SLC38A3: variants seen among roughly 807,000 people sequenced by gnomAD.
SLC38A3 encodes sodium-coupled neutral amino acid transporter 3.
In SLC38A3, 17 loss-of-function variants were observed where a neutral mutation model predicts 59.5. That is an observed-to-expected ratio of 0.29 (90% CI 0.20 to 0.43). The LOEUF is 0.43. SLC38A3 is among the 20% of genes least tolerant of loss of function. The pLI is 1.00. For missense variants in SLC38A3, 454 were observed against 653.9 expected (o/e 0.69, Z 3.33); for synonymous variants, 238 against 260.3 (o/e 0.91, Z 0.82).
rs747175529 is a variant in SLC38A3, at chr3:50,214,224, A to G, written c.25A>G (p.Met9Val). MEAPLQTE[M>V]VELVPNGKHS... ...CATGGAGGCGCCTTTGCAGACAGAG[A>G]TGGTGGAGCTGGTGCCCAATGGCAA... The change falls in exon 2 of 16, where the codon ATG (methionine) becomes GTG (valine). Residue 9 changes from methionine to valine, a missense_variant. Met to Val is a conservative substitution (Grantham distance 21). Coordinates refer to ENST00000614032, the MANE Select transcript of SLC38A3 (RefSeq NM_006841.6). The surrounding 1 kb of genome is among the most constrained non-coding windows in gnomAD (Gnocchi z 6.0). 3 of 1,613,702 alleles carry G rather than the reference A, an allele frequency of 1.9e-6. No individual in the cohort carries two copies. Among genetic ancestry groups the G allele is most frequent in the Non-Finnish European group, 2.5e-6 (3 of 1,179,822 alleles).
chr3:50,218,420 G>A lies in SLC38A3; in HGVS notation c.1036+50G>A. ...GCCTAGGCTAGGCTGGGGGGAAGGG[G>A]CTGGTTGTGGCCATGGTGCCCTCCA... On this transcript the variant is annotated intron_variant, in intron 12 of 15. Transcript: ENST00000614032. This position sits in a 1 kb window ranked among gnomAD's most constrained non-coding sequence, Gnocchi z 5.8. 2.6e-6 allele frequency: 4 copies of A among 1,534,052 alleles called. No homozygotes were observed. Among genetic ancestry groups the A allele is most frequent in the South Asian group, 1.1e-5 (1 of 89,492 alleles).
chr3:50,217,527 G>C lies in SLC38A3; in HGVS notation c.690+54G>C. 1 of 1,594,076 alleles carries C rather than the reference G, an allele frequency of 6.3e-7. No individual in the cohort carries two copies. On this transcript the variant is annotated intron_variant, in intron 9 of 15. Coordinates refer to ENST00000614032, the MANE Select transcript of SLC38A3 (RefSeq NM_006841.6). This position sits in a 1 kb window ranked among gnomAD's most constrained non-coding sequence, Gnocchi z 4.9. ...AGCGGGCAGCGGGTCTCCTGGGGGA[G>C]TTCCCTGTCATCAGGAGGGGGCAGG...
intron 14 of SLC38A3, 107 bp from the exon 15 acceptor site, chr3:50,219,774 T>C (rs1413571882): frequency 1.1e-6 from 1 of 913,546 alleles, no homozygotes; most frequent in East Asian, 2.6e-5. Flanking sequence ...GGTCTCAACA[T>C]GAAACTCCCT....
Position 50,215,357 on chromosome 3 carries a change from T to C in SLC38A3, c.300-29T>C. The C allele has an allele frequency of 6.2e-7, 1 of 1,611,288 alleles. No individual in the cohort carries two copies. The highest frequency in any genetic ancestry group is 2.2e-5 in the East Asian group (1 of 44,866). On this transcript the variant is annotated intron_variant, in intron 4 of 15. Transcript: ENST00000614032. This position sits in a 1 kb window ranked among gnomAD's most constrained non-coding sequence, Gnocchi z 7.1. ...CCACGGTAGCCCCCCAGTGGCCTCT[T>C]TTTCTTCCATCTTCCCATGTGTCCC... is the stretch of plus-strand genomic sequence containing the variant.
rs777270314 is a variant in SLC38A3 at position 50,215,548 on chromosome 3, C to G, written c.378C>G (p.Ile126Met). 1 of 1,613,836 alleles carries G rather than the reference C, an allele frequency of 6.2e-7. No homozygotes were observed. Among genetic ancestry groups the G allele is most frequent in the South Asian group, 1.1e-5 (1 of 91,068 alleles). The change falls in exon 6 of 16, where the codon ATC becomes ATG. Residue 126 changes from isoleucine (I) to methionine (M), a missense_variant. Around this residue, in one of 3 missense-constraint regions of SLC38A3, gnomAD observed 390 missense variants for 557.9 expected, o/e 0.70. Transcript: ENST00000614032. The surrounding 1 kb of genome is among the most constrained non-coding windows in gnomAD (Gnocchi z 7.1). ...LLLKSSGVVG[I>M]RAYEQLGYRA... Reference sequence around the variant, plus strand: ...TTCTTGACCCTGCTCCTGCAGGCATCCGTGCCTATGAGCAGCTGGGCTACC... The same window carrying G: ...TTCTTGACCCTGCTCCTGCAGGCATGCGTGCCTATGAGCAGCTGGGCTACC...
At position 50,214,011 on chromosome 3, in the gene SLC38A3, G is replaced by A; in HGVS notation, c.-51-138G>A. 1.6e-6 allele frequency: 1 copy of A among 609,574 alleles called. No individual in the cohort carries two copies. Among genetic ancestry groups the A allele is most frequent in the South Asian group, 2.0e-5 (1 of 50,868 alleles). 37.8% of individuals were successfully genotyped at this position (609,574 alleles called of 1,614,324 possible). A position where few individuals can be genotyped will look rare whatever the true frequency, so the allele number is the denominator to read the frequency against. The stretch of plus-strand genomic sequence containing the variant: ...TTCCCCCAACAGCAGATCCCAGGGA[G>A]GCAGTAGGCAGAGCTGCATGTGTGG... On this transcript the variant is annotated intron_variant, in intron 1 of 15. Coordinates refer to ENST00000614032, the MANE Select transcript of SLC38A3 (RefSeq NM_006841.6). The surrounding 1 kb of genome is among the most constrained non-coding windows in gnomAD (Gnocchi z 6.0).
intron 1 of SLC38A3, among the ~76,000 whole-genome samples, chr3:50,212,850 G>C (rs906776961): frequency 6.6e-6 from 1 of 152,206 alleles, no homozygotes; most frequent in South Asian, 2.1e-4. Context: ...AGTGGGGATG[G>C]GGGGTTCAGG....
chr3:50,220,323 G>A lies in SLC38A3; in HGVS notation c.*146G>A. 1 of 675,756 alleles carries A rather than the reference G, an allele frequency of 1.5e-6. No homozygotes were observed. 41.9% of individuals were successfully genotyped at this position (675,756 alleles called of 1,614,324 possible). A position where few individuals can be genotyped will look rare whatever the true frequency, so the allele number is the denominator to read the frequency against. On this transcript the variant is annotated 3_prime_UTR_variant, in exon 16 of 16. Coordinates refer to ENST00000614032, the MANE Select transcript of SLC38A3 (RefSeq NM_006841.6). ...AGCCAGGCCCCATGTCCTCTCTGTGGAAGGTTTTTGTTCAAGAGCCAGGAC... is the reference window on the plus strand; with the variant it reads ...AGCCAGGCCCCATGTCCTCTCTGTGAAAGGTTTTTGTTCAAGAGCCAGGAC...
Position 50,218,834 on chromosome 3 carries a change from C to G in SLC38A3, c.1192C>G (p.Pro398Ala), listed in dbSNP as rs983828793. The change falls in exon 14 of 16, where the codon CCA becomes GCA. Residue 398 changes from proline (P) to alanine (A), a missense_variant. Coordinates refer to ENST00000614032, the MANE Select transcript of SLC38A3 (RefSeq NM_006841.6). The surrounding 1 kb of genome is among the most constrained non-coding windows in gnomAD (Gnocchi z 5.8). The stretch of plus-strand genomic sequence containing the variant: ...CCGCGCCATCCAGCAGATGCTGTTT[C>G]CAAACCAGGAGTTCAGCTGGCTGCG... Reference protein sequence around the residue: ...VRRAIQQMLFPNQEFSWLRHV... With the variant: ...VRRAIQQMLFANQEFSWLRHV... 1 of 1,612,312 alleles carries G rather than the reference C, an allele frequency of 6.2e-7. No individual in the cohort carries two copies. The highest frequency in any genetic ancestry group is 8.5e-7 in the Non-Finnish European group (1 of 1,178,556).
chr3:50,216,337 A>G (rs896072373), intron 7 of SLC38A3, among the ~76,000 whole-genome samples: 5 of 152,230 alleles, frequency 3.3e-5, no homozygotes, highest in Admixed American at 3.3e-4. Context: ...TAGCTCCGGC[A>G]AGAGGGAGAG....
Position 50,218,374 on chromosome 3 carries a change from CG to C in SLC38A3, c.1036+6del. The stretch of plus-strand genomic sequence containing the variant: ...TTCGGCTACCTCACCTTCTACAGTA[CG>C]GTGGCACCGGTGGGCAGAGGCCTAG... On this transcript the variant is annotated splice_donor_5th_base_variant and intron_variant, in intron 12 of 15. Coordinates refer to ENST00000614032, the MANE Select transcript of SLC38A3 (RefSeq NM_006841.6). The surrounding 1 kb of genome is among the most constrained non-coding windows in gnomAD (Gnocchi z 5.8). The C allele has an allele frequency of 1.0e-5, 16 of 1,589,104 alleles. No homozygotes were observed. Among genetic ancestry groups the C allele is most frequent in the Non-Finnish European group, 1.3e-5 (15 of 1,157,298 alleles).
At chr3:50,210,435 G>A (rs555535313) in intron 1 of SLC38A3, among the ~76,000 whole-genome samples, 3 of 152,302 alleles carry the variant, frequency 2.0e-5, no homozygotes, top group Non-Finnish European at 2.9e-5. Context: ...GGTGCAAGTC[G>A]TCACCAAGGT....
rs763352815 is a variant in SLC38A3 at position 50,217,744 on chromosome 3, C to A, written c.759C>A (p.Phe253Leu). The A allele has an allele frequency of 6.2e-6, 10 of 1,613,472 alleles. No homozygotes were observed. Among genetic ancestry groups the A allele is most frequent in the Non-Finnish European group, 8.5e-6 (10 of 1,179,798 alleles). Residue 253 changes from phenylalanine to leucine, a missense_variant, in exon 10 of 16, where the codon TTC becomes TTA. By Grantham distance (22) the Phe-to-Leu change is conservative. Transcript: ENST00000614032. The surrounding 1 kb of genome is among the most constrained non-coding windows in gnomAD (Gnocchi z 4.9). ...ACTTCAACAACACCACAGGCAACTT[C>A]AGCCACGTGGAGATCGTGAAGGAGA... The part of the protein sequence containing the change: ...PPNFNNTTGN[F>L]SHVEIVKEKV...
intron 1 of SLC38A3, among the ~76,000 whole-genome samples, chr3:50,211,585 T>C (rs1699729463): frequency 1.4e-5 from 2 of 147,626 alleles, no homozygotes; most frequent in Non-Finnish European, 3.0e-5. Context: ...TTTTTTTTTT[T>C]TTTTTTTTTT....
chr3:50,213,171 A>T (rs1699757422), intron 1 of SLC38A3, among the ~76,000 whole-genome samples: 1 of 152,110 alleles, frequency 6.6e-6, no homozygotes, highest in African/African-American at 2.4e-5. Context: ...AAGCCCTGAG[A>T]GCAGAGAAGG....
At position 50,214,810 on chromosome 3, in the gene SLC38A3, G is replaced by A. The variant is rs774880643; in HGVS notation, c.299+42G>A. ...AAACTTCTAAAGATAGGGGCCCTAA[G>A]CAAGCCACCAATCATGACCTCCCAG... On this transcript the variant is annotated intron_variant, in intron 4 of 15. Transcript: ENST00000614032. The surrounding 1 kb of genome is among the most constrained non-coding windows in gnomAD (Gnocchi z 6.0). 1.2e-5 allele frequency: 16 copies of A among 1,334,580 alleles called. No individual in the cohort carries two copies. In the Admixed American group the frequency reaches 2.6e-4, roughly 21 times the overall value. The allele number at this position is 1,334,580 out of a possible 1,614,324, so 82.7% of individuals were successfully genotyped here. A position where few individuals can be genotyped will look rare whatever the true frequency, so the allele number is the denominator to read the frequency against.
In SLC38A3 at chr3:50,218,423, G is replaced by A. The variant is rs966871284; in HGVS notation, c.1036+53G>A. Reference sequence around the variant, plus strand: ...TAGGCTAGGCTGGGGGGAAGGGGCTGGTTGTGGCCATGGTGCCCTCCATAC... The same window carrying A: ...TAGGCTAGGCTGGGGGGAAGGGGCTAGTTGTGGCCATGGTGCCCTCCATAC... On this transcript the variant is annotated intron_variant, in intron 12 of 15. Transcript: ENST00000614032. The surrounding 1 kb of genome is among the most constrained non-coding windows in gnomAD (Gnocchi z 5.8). The A allele has an allele frequency of 7.2e-6, 11 of 1,534,954 alleles. No homozygotes were observed. The African/African-American group carries it at 1.2e-4, about 17-fold the overall frequency.
Position 50,214,903 on chromosome 3 carries a change from C to A in SLC38A3, c.299+135C>A, listed in dbSNP as rs1044955272. 1.5e-5 allele frequency: 10 copies of A among 673,298 alleles called. No homozygotes were observed. Among genetic ancestry groups the A allele is most frequent in the African/African-American group, 1.5e-4 (8 of 54,632 alleles). 41.7% of individuals were successfully genotyped at this position (673,298 alleles called of 1,614,324 possible). A position where few individuals can be genotyped will look rare whatever the true frequency, so the allele number is the denominator to read the frequency against. On this transcript the variant is annotated intron_variant, in intron 4 of 15. Transcript: ENST00000614032. This position sits in a 1 kb window ranked among gnomAD's most constrained non-coding sequence, Gnocchi z 6.0. Reference sequence around the variant, plus strand: ...GGGCACTTCTTACACTAACAAACCGCGGCTGAAAAAAACATCCACAGCCAA... The same window carrying A: ...GGGCACTTCTTACACTAACAAACCGAGGCTGAAAAAAACATCCACAGCCAA...
intron 1 of SLC38A3, among the ~76,000 whole-genome samples, chr3:50,205,892 G>A (rs893539890): frequency 6.6e-6 from 1 of 152,248 alleles, no homozygotes; most frequent in Non-Finnish European, 1.5e-5. Context: ...GATCGGGCCG[G>A]GCCGCCTGAG....
Sources: allele counts gnomAD v4.1 joint callset (sites outside exome capture counted in the v4.1 genomes callset), GRCh38; gene constraint gnomAD v4.1.1; regional missense constraint gnomAD v4.1.1; non-coding constraint Gnocchi (gnomAD v3.1); transcripts MANE v1.5; gene names NCBI Gene and HGNC (gene_info 2026-07-23, HGNC 2026-07-21).